Variants in COL13A1 observed in about 807,000 individuals in gnomAD.
COL13A1 encodes collagen type XIII alpha 1 chain.
A neutral mutation model predicts 130.9 loss-of-function variants in COL13A1; 89 were observed. The ratio of observed to expected loss-of-function variants is 0.68; its 90% confidence interval spans 0.57 to 0.81. COL13A1 has a LOEUF of 0.81. COL13A1 is among the 30% of genes least tolerant of loss of function. The probability of loss-of-function intolerance (pLI) is 0.00; values close to 1 mark genes in which losing one functional copy is unlikely to be tolerated. For synonymous variants in COL13A1, 402 were observed against 341.6 expected, an observed-to-expected ratio of 1.18 and a Z score of -1.95; for missense variants, 879 against 934.6, an observed-to-expected ratio of 0.94 and a Z score of 0.78.
At chr10:69,904,144 C>T (rs191571426) in intron 15 of COL13A1, among the ~76,000 whole-genome samples, 18 of 152,256 alleles carry the variant, frequency 1.2e-4, no homozygotes, top group Admixed American at 7.2e-4. Context: ...ACTCAGGAAA[C>T]GGAACCAAAC....
At chr10:69,914,829 G>A (rs543938492) in intron 17 of COL13A1, among the ~76,000 whole-genome samples, 46 of 152,206 alleles carry the variant, frequency 3.0e-4, no homozygotes, top group Non-Finnish European at 5.1e-4. Flanking sequence ...GTACTGTCAC[G>A]CCCTCTGCTG....
intron 17 of COL13A1, among the ~76,000 whole-genome samples, chr10:69,907,249 C>A (rs2062855716): frequency 6.6e-6 from 1 of 152,220 alleles, no homozygotes; most frequent in South Asian, 2.1e-4. Context: ...CCTAAAACCA[C>A]TCTGTGAGGC....
In COL13A1 at chr10:69,802,038, T is replaced by A. The variant is rs1840149739; in HGVS notation, c.-386T>A. 1 of 181,182 alleles carries A rather than the reference T, an allele frequency of 5.5e-6. No individual in the cohort carries two copies. Among genetic ancestry groups the A allele is most frequent in the Non-Finnish European group, 1.1e-5 (1 of 87,958 alleles). The allele number at this position is 181,182 out of a possible 1,614,324, so 11.2% of individuals were successfully genotyped here. ...CGTGTGCGCCCCTTCGCCCGGGGAC[T>A]GAAACTGACTGGCCCGGGAGACACG... On this transcript the variant is annotated 5_prime_UTR_variant, in exon 1 of 41. An upstream open reading frame in the 5' UTR loses its in-frame stop. Coordinates refer to ENST00000645393, the MANE Select transcript of COL13A1 (RefSeq NM_001368882.1).
chr10:69,922,921 G>A, intron 23 of COL13A1, 127 bp downstream of exon 23: 1 of 600,176 alleles, frequency 1.7e-6, no homozygotes, highest in Non-Finnish European at 2.8e-6. Flanking sequence ...CAGATGTGTG[G>A]TTTTCCCCAT....
intron 2 of COL13A1, among the ~76,000 whole-genome samples, chr10:69,843,496 G>T (rs1461963068): frequency 6.6e-6 from 1 of 152,166 alleles, no homozygotes; most frequent in Admixed American, 6.5e-5. Flanking sequence ...AATTTAAAAT[G>T]CAATTCATCA....
chr10:69,875,000 G>A, intron 4 of COL13A1, 128 bp from the exon 5 acceptor site: 2 of 1,061,470 alleles, frequency 1.9e-6, no homozygotes, highest in South Asian at 2.8e-5. Flanking sequence ...GCATCATACG[G>A]GATGTCGTCC....
At chr10:69,956,944 T>C in intron 39 of COL13A1, 60 bp from the exon 40 acceptor site, 2 of 1,429,572 alleles carry the variant, frequency 1.4e-6, no homozygotes, top group South Asian at 2.3e-5. Context: ...ACCCCTGTCC[T>C]GCCCACTTGG....
At chr10:69,851,111 C>A (rs1293119484) in intron 2 of COL13A1, among the ~76,000 whole-genome samples, 1 of 152,256 alleles carries the variant, frequency 6.6e-6, no homozygotes, top group Non-Finnish European at 1.5e-5. Context: ...GAACCATGCA[C>A]CCCTCAGGAG....
In COL13A1 at chr10:69,952,962, C is replaced by T. The variant is rs754212801; in HGVS notation, c.2139C>T (p.Cys713=). The stretch of plus-strand genomic sequence containing the variant: ...GAGCGCCTGGATTAGATGCCCCCTG[C>T]CCATTGGTATGTTTTTGTTTATCAC... ...DQGAPGLDAP[C]PLGEDGLPVQ... The change falls in exon 39 of 41, where the codon TGC becomes TGT. Residue 713 remains cysteine, a synonymous_variant. Coordinates refer to ENST00000645393, the MANE Select transcript of COL13A1 (RefSeq NM_001368882.1). 2 of 1,534,774 alleles carry T rather than the reference C, an allele frequency of 1.3e-6. No homozygotes were observed. Among genetic ancestry groups the T allele is most frequent in the South Asian group, 1.3e-5 (1 of 77,324 alleles).
At chr10:69,919,815 C>T (rs533641382) in intron 21 of COL13A1, 88 bp downstream of exon 21, 70 of 398,428 alleles carry the variant, frequency 1.8e-4, no homozygotes, top group African/African-American at 5.3e-4. Flanking sequence ...GCTGGTGTGT[C>T]GCCTGCAGCG....
intron 34 of COL13A1, among the ~76,000 whole-genome samples, chr10:69,939,194 G>A (rs370725019): frequency 7.2e-5 from 11 of 152,312 alleles, no homozygotes; most frequent in African/African-American, 2.2e-4. Context: ...ACTAGGGAGT[G>A]GAGGGGACTG....
At chr10:69,888,652 T>C (rs2060845846) in intron 9 of COL13A1, among the ~76,000 whole-genome samples, 1 of 152,064 alleles carries the variant, frequency 6.6e-6, no homozygotes, top group Non-Finnish European at 1.5e-5. Flanking sequence ...GTCAAATAGC[T>C]GGTCTGAAGA....
intron 9 of COL13A1, among the ~76,000 whole-genome samples, chr10:69,888,944 C>T (rs751790346): frequency 1.5e-4 from 23 of 152,136 alleles, no homozygotes; most frequent in Non-Finnish European, 2.8e-4. Context: ...TCAGGGTGGA[C>T]GGAATGCAGC....
At chr10:69,903,431 C>A (rs1486257184) in intron 15 of COL13A1, among the ~76,000 whole-genome samples, 1 of 152,230 alleles carries the variant, frequency 6.6e-6, no homozygotes, top group Non-Finnish European at 1.5e-5. Flanking sequence ...CCTCTCCAGG[C>A]TGGACCACAT....
At chr10:69,958,228 G>A (rs572534476) in intron 40 of COL13A1, among the ~76,000 whole-genome samples, 38 of 152,318 alleles carry the variant, frequency 2.5e-4, no homozygotes, top group South Asian at 1.5e-3. Flanking sequence ...GGTCAGAGGT[G>A]TCATAAGACC....
At position 69,848,369 on chromosome 10, in the gene COL13A1, T is replaced by A. The variant is rs115401667; in HGVS notation, c.365-19429T>A. ...ATTAAGTGCAAGACCCTTACATATG[T>A]GTATATGTCTCCAACAACCTTGCAA... On this transcript the variant is annotated intron_variant, in intron 2 of 40. Transcript: ENST00000645393. Among the ~76,000 whole-genome samples, 328 of 152,320 alleles carry A rather than the reference T, an allele frequency of 2.2e-3. 3 individuals are homozygous for A. The highest frequency in any genetic ancestry group is 7.6e-3 in the African/African-American group (315 of 41,566).
chr10:69,897,446 T>C, intron 13 of COL13A1: 2 of 1,613,288 alleles, frequency 1.2e-6, no homozygotes, highest in Non-Finnish European at 1.7e-6. Flanking sequence ...TCGCCCTGTC[T>C]CTGCCACCTC....
intron 15 of COL13A1, 28 bp from the exon 16 acceptor site, chr10:69,904,905 C>CTTTTTTTTTT (rs60054259): frequency 8.1e-5 from 119 of 1,475,728 alleles, no homozygotes; most frequent in African/African-American, 2.2e-4. Context: ...TTTCTTTTTT[C>CTTTTTTTTTT]TTTTTTTTTT....
At chr10:69,943,603 C>G (rs1364206514) in intron 35 of COL13A1, among the ~76,000 whole-genome samples, 1 of 152,154 alleles carries the variant, frequency 6.6e-6, no homozygotes, top group African/African-American at 2.4e-5. Context: ...GTGAGTGGGG[C>G]GAGAAGGCCC....
Sources: allele counts gnomAD v4.1 joint callset (sites outside exome capture counted in the v4.1 genomes callset), GRCh38; gene constraint gnomAD v4.1.1; transcripts MANE v1.5; gene names NCBI Gene and HGNC (gene_info 2026-07-23, HGNC 2026-07-21).